CEP85L: variants seen among roughly 807,000 people sequenced by gnomAD.
The protein encoded by CEP85L is centrosomal protein 85L, also known as centrosomal protein of 85 kDa-like.
Under a neutral mutation model 100.3 loss-of-function variants are expected in CEP85L, and 60 were observed. The observed-to-expected ratio is 0.60, with a 90% confidence interval of 0.49 to 0.74. The LOEUF (loss-of-function observed/expected upper bound fraction) is 0.74. Ranked by LOEUF, CEP85L falls within the 30% of genes least tolerant of loss-of-function variation. The pLI is 0.00. For synonymous variants in CEP85L, 319 were observed against 322.7 expected, an observed-to-expected ratio of 0.99 and a Z score of 0.12; for missense variants, 973 against 936.2, an observed-to-expected ratio of 1.04 and a Z score of -0.51.
At chr6:118,527,823 T>C (rs1333086412) in intron 3 of CEP85L, among the ~76,000 whole-genome samples, 1 of 152,158 alleles carries the variant, frequency 6.6e-6, no homozygotes, top group Non-Finnish European at 1.5e-5. Flanking sequence ...ATTTACCTAC[T>C]GAGTTATACA....
At chr6:118,633,176 C>G (rs1265589386) in intron 1 of CEP85L, among the ~76,000 whole-genome samples, 1 of 150,858 alleles carries the variant, frequency 6.6e-6, no homozygotes, top group Non-Finnish European at 1.5e-5. Flanking sequence ...AGTTTAATAG[C>G]ACAGCATTTT....
intron 2 of CEP85L, among the ~76,000 whole-genome samples, chr6:118,628,102 A>G (rs1773918859): frequency 6.6e-6 from 1 of 152,136 alleles, no homozygotes. Flanking sequence ...TCTGCTCACC[A>G]GTTTCTTTTA....
chr6:118,644,159 G>A (rs1212202718), intron 1 of CEP85L, among the ~76,000 whole-genome samples: 1 of 152,164 alleles, frequency 6.6e-6, no homozygotes, highest in Non-Finnish European at 1.5e-5. Context: ...ATGCATTGAT[G>A]CATTTTCTTC....
At chr6:118,663,048 G>A (rs1203815940) in intron 1 of CEP85L, among the ~76,000 whole-genome samples, 15 of 150,508 alleles carry the variant, frequency 1.0e-4, no homozygotes, top group Non-Finnish European at 1.6e-4. Context: ...AATTTTCATG[G>A]TAAAAAAAAA....
intron 4 of CEP85L, among the ~76,000 whole-genome samples, chr6:118,518,755 T>C (rs2114756427): frequency 6.6e-6 from 1 of 152,338 alleles, no homozygotes; most frequent in Non-Finnish European, 1.5e-5. Context: ...ATCTTAATAA[T>C]TTCTTGTCTT....
chr6:118,485,582 A>C (rs1377613746), intron 6 of CEP85L, among the ~76,000 whole-genome samples: 5 of 152,224 alleles, frequency 3.3e-5, no homozygotes, highest in Non-Finnish European at 7.3e-5. Flanking sequence ...TCAGAATAGA[A>C]AACCTTACAT....
At chr6:118,635,774 C>T (rs934197498) in intron 1 of CEP85L, among the ~76,000 whole-genome samples, 5 of 152,128 alleles carry the variant, frequency 3.3e-5, no homozygotes, top group Non-Finnish European at 5.9e-5. Flanking sequence ...TGATTGTTGA[C>T]AAGTCTTGGC....
rs578130189 is a variant in CEP85L, at chr6:118,574,312, T to C, written c.233-7996A>G. ...AGCCAGTCAGGTTAGTTTAGATGGT[T>C]TGGTCCGACCCCAGCCAATGGGGAA... On this transcript the variant is annotated intron_variant, in intron 2 of 12. Transcript: ENST00000368491. Among the ~76,000 whole-genome samples, 5 of 152,326 alleles carry C rather than the reference T, an allele frequency of 3.3e-5. No individual in the cohort carries two copies. In the South Asian group the frequency reaches 1.0e-3, roughly 32 times the overall value.
chr6:118,502,832 G>T, intron 5 of CEP85L: 1 of 626,462 alleles, frequency 1.6e-6, no homozygotes, highest in Non-Finnish European at 3.0e-6. Flanking sequence ...AAAAGCAATG[G>T]GGATTTCCAT....
intron 2 of CEP85L, among the ~76,000 whole-genome samples, chr6:118,614,754 T>G (rs1003662044): frequency 6.6e-6 from 1 of 152,252 alleles, no homozygotes; most frequent in South Asian, 2.1e-4. Context: ...GGCAGGAGAA[T>G]TGCTTGGACC....
rs753401367 is a variant in CEP85L at position 118,566,253 on chromosome 6, G to T, written c.296C>A (p.Thr99Asn). ...GGAATTAGACGGCATCACATGGGCAGTAGGAAGAGTAATCAATGATTGACT... is the reference window on the plus strand; with the variant it reads ...GGAATTAGACGGCATCACATGGGCATTAGGAAGAGTAATCAATGATTGACT... ...KPSQSLITLP[T>N]AHVMPSNSSA... is the part of the protein sequence containing the mutation. The change falls in exon 3 of 13, where the codon ACT becomes AAT. Residue 99 changes from threonine (T) to asparagine (N), a missense_variant. Around this residue, in one of 3 missense-constraint regions of CEP85L, gnomAD observed 890 missense variants for 844.5 expected, o/e 1.05. Coordinates refer to ENST00000368491, the MANE Select transcript of CEP85L (RefSeq NM_001042475.3). 2.5e-6 allele frequency: 4 copies of T among 1,614,070 alleles called. No individual in the cohort carries two copies. The highest frequency in any genetic ancestry group is 3.4e-6 in the Non-Finnish European group (4 of 1,179,912).
intron 2 of CEP85L, among the ~76,000 whole-genome samples, chr6:118,626,481 G>A (rs928006594): frequency 2.6e-5 from 4 of 152,152 alleles, no homozygotes; most frequent in South Asian, 2.1e-4. Flanking sequence ...GCCACAAAAC[G>A]AGTAAGCATA....
chr6:118,465,324 C>A lies in CEP85L; in HGVS notation c.*81G>T. 7.5e-7 allele frequency: 1 copy of A among 1,332,832 alleles called. No individual in the cohort carries two copies. 82.6% of individuals were successfully genotyped at this position (1,332,832 alleles called of 1,614,324 possible). ...AAAAATCCCTAAGTGCAAGTCATGTCACTTGCAACCTTCCATTATGGCTCC... is the reference window on the plus strand; with the variant it reads ...AAAAATCCCTAAGTGCAAGTCATGTAACTTGCAACCTTCCATTATGGCTCC... On this transcript the variant is annotated 3_prime_UTR_variant, in exon 13 of 13. Transcript: ENST00000368491.
In CEP85L at chr6:118,463,615, A is replaced by G. The variant is rs1485040011; in HGVS notation, c.*1790T>C. 6.6e-6 allele frequency: 1 copy of G among 152,066 alleles called. No homozygotes were observed. The highest frequency in any genetic ancestry group is 2.4e-5 in the African/African-American group (1 of 41,452). 9.4% of individuals were successfully genotyped at this position (152,066 alleles called of 1,614,324 possible). On this transcript the variant is annotated 3_prime_UTR_variant, in exon 13 of 13. Coordinates refer to ENST00000368491, the MANE Select transcript of CEP85L (RefSeq NM_001042475.3). ...ATAATTAGAAAGCCAAGTTCTTACC[A>G]GTGACTAAGACCCTCCTTAGGTTAA...
At chr6:118,698,587 T>C (rs1777291000) in intron 1 of CEP85L, among the ~76,000 whole-genome samples, 1 of 151,362 alleles carries the variant, frequency 6.6e-6, no homozygotes, top group Non-Finnish European at 1.5e-5. Flanking sequence ...CAATATCCCA[T>C]AGTATGTCTT....
chr6:118,547,238 A>C (rs1433119065), intron 3 of CEP85L, among the ~76,000 whole-genome samples: 2 of 152,146 alleles, frequency 1.3e-5, no homozygotes, highest in South Asian at 4.1e-4. Flanking sequence ...AGAGAAGAGG[A>C]GAATGATGCC....
intron 2 of CEP85L, among the ~76,000 whole-genome samples, chr6:118,611,131 CCTT>C (rs1455216711): frequency 9.9e-5 from 15 of 152,236 alleles, no homozygotes; most frequent in African/African-American, 3.4e-4. Context: ...AATAGGCTTT[CCTT>C]CTTCTCCTGA....
At chr6:118,513,433 T>A (rs1005707883) in intron 4 of CEP85L, among the ~76,000 whole-genome samples, 3 of 152,076 alleles carry the variant, frequency 2.0e-5, no homozygotes, top group Non-Finnish European at 2.9e-5. Flanking sequence ...ATTACAGTGA[T>A]AAAATCTTAA....
intron 1 of CEP85L, among the ~76,000 whole-genome samples, chr6:118,696,164 G>A (rs1401359253): frequency 6.6e-6 from 1 of 151,990 alleles, no homozygotes. Flanking sequence ...CCAGCTACTC[G>A]GGAGGCTGAG....
Sources: allele counts gnomAD v4.1 joint callset (sites outside exome capture counted in the v4.1 genomes callset), GRCh38; gene constraint gnomAD v4.1.1; regional missense constraint gnomAD v4.1.1; transcripts MANE v1.5; gene names NCBI Gene and HGNC (gene_info 2026-07-23, HGNC 2026-07-21).